USP42: variants seen among roughly 807,000 people sequenced by gnomAD.
The protein encoded by USP42 is ubiquitin specific peptidase 42.
A neutral mutation model predicts 113.0 loss-of-function variants in USP42; 23 were observed. That is an observed-to-expected ratio of 0.20 (90% CI 0.15 to 0.29). The LOEUF (loss-of-function observed/expected upper bound fraction) is 0.29, where lower values mean the gene tolerates loss of function less well. Ranked by LOEUF, USP42 falls within the 10% of genes least tolerant of loss-of-function variation. USP42 has a pLI of 1.00. For missense variants in USP42, 2,174 were observed against 1,779.8 expected (o/e 1.22, Z -3.99); for synonymous variants, 933 against 699.0 (o/e 1.33, Z -5.28).
At chr7:6,130,124 T>G (rs1780770523) in intron 3 of USP42, among the ~76,000 whole-genome samples, 2 of 152,074 alleles carry the variant, frequency 1.3e-5, no homozygotes, top group African/African-American at 4.8e-5. Context: ...GTGCTAGAAT[T>G]GTAGGCATGA....
At chr7:6,105,283 A>G (rs1160753347) in intron 1 of USP42, among the ~76,000 whole-genome samples, 4 of 145,322 alleles carry the variant, frequency 2.8e-5, no homozygotes, top group African/African-American at 9.9e-5. Context: ...GCGGGCGGGC[A>G]CCGGGGTAGC....
chr7:6,100,266 G>T (rs749081139), upstream of USP42, among the ~76,000 whole-genome samples: 4 of 150,684 alleles, frequency 2.7e-5, no homozygotes, highest in Non-Finnish European at 5.9e-5. Flanking sequence ...CCCCTAGATG[G>T]GCGCCTGATA....
chr7:6,105,258 G>A (rs1246840583), intron 1 of USP42, among the ~76,000 whole-genome samples: 1 of 145,376 alleles, frequency 6.9e-6, no homozygotes, highest in Non-Finnish European at 1.5e-5. Flanking sequence ...CGCTGGGGAG[G>A]GGGCGGCGGC....
intron 11 of USP42, among the ~76,000 whole-genome samples, chr7:6,147,192 G>A (rs998484773): frequency 6.6e-6 from 1 of 152,148 alleles, no homozygotes; most frequent in Non-Finnish European, 1.5e-5. Context: ...CAAGTTGAGG[G>A]GTAGGATTTT....
intron 11 of USP42, 50 bp downstream of exon 11, chr7:6,146,298 T>A (rs751419797): frequency 8.6e-7 from 1 of 1,158,390 alleles, no homozygotes; most frequent in East Asian, 2.5e-5. Flanking sequence ...TCATTTCTTC[T>A]TGTCTTATCA....
intron 3 of USP42, among the ~76,000 whole-genome samples, chr7:6,134,357 G>A (rs1326623506): frequency 6.6e-6 from 1 of 151,910 alleles, no homozygotes; most frequent in Non-Finnish European, 1.5e-5. Flanking sequence ...CTGCATCTTT[G>A]CGTGCCTTGT....
the USP42 span, among the ~76,000 whole-genome samples, chr7:6,082,735 G>A: frequency 2.7e-5 from 4 of 145,826 alleles, no homozygotes; most frequent in Non-Finnish European, 4.4e-5. Context: ...CTGAGCCTCC[G>A]TAGTAGCTGG....
In USP42 at chr7:6,150,496, G is replaced by A; in HGVS notation, c.2191G>A (p.Asp731Asn). 2 of 1,613,962 alleles carry A rather than the reference G, an allele frequency of 1.2e-6. No individual in the cohort carries two copies. Among genetic ancestry groups the A allele is most frequent in the Non-Finnish European group, 8.5e-7 (1 of 1,179,868 alleles). ...TAGCAACAAACTGAAAGGCTCGACG[G>A]ATGAAATGAGGTAACGTAAGAGTAC... ...RLSNKLKGSTDEMSAPGAERG... is the reference protein window; with the variant it reads ...RLSNKLKGSTNEMSAPGAERG... Residue 731 changes from aspartate to asparagine, a missense_variant, in exon 14 of 18, where the codon GAT (aspartate) becomes AAT (asparagine). Asp to Asn is a conservative substitution (Grantham distance 23). Coordinates refer to ENST00000306177, the MANE Select transcript of USP42 (RefSeq NM_032172.3).
Position 6,149,664 on chromosome 7 carries a change from G to A in USP42, c.1468G>A (p.Val490Ile), listed in dbSNP as rs1236758981. Residue 490 changes from valine to isoleucine, a missense_variant, in exon 13 of 18, where the codon GTC becomes ATC. Transcript: ENST00000306177. ...SMSSPNGNSSVNRASPVNASA... is the reference protein window; with the variant it reads ...SMSSPNGNSSINRASPVNASA... ...GTCGAGTCCTAACGGGAATTCCAGT[G>A]TCAACAGGGCTAGTCCTGTTAATGC... 2.5e-6 allele frequency: 4 copies of A among 1,613,856 alleles called. No homozygotes were observed. The South Asian group carries it at 3.3e-5, about 13-fold the overall frequency.
chr7:6,084,812 G>A, the USP42 span: 2 of 149,252 alleles, frequency 1.3e-5, no homozygotes, highest in South Asian at 2.1e-4. Flanking sequence ...TCCACCTCCC[G>A]GGTTCAAGTG....
chr7:6,150,085 C>A lies in USP42; in HGVS notation c.1889C>A (p.Thr630Lys). 4 of 1,609,664 alleles carry A rather than the reference C, an allele frequency of 2.5e-6. No individual in the cohort carries two copies. Among genetic ancestry groups the A allele is most frequent in the African/African-American group, 1.3e-5 (1 of 74,964 alleles). The change falls in exon 13 of 18, where the codon ACG becomes AAG. Residue 630 changes from threonine to lysine, a missense_variant. Transcript: ENST00000306177. Reference sequence around the variant, plus strand: ...CTGGGCAAGGAGAATGGGATTGGTACGATTGTGAGCTCCCACTCTCCCGGC... The same window carrying A: ...CTGGGCAAGGAGAATGGGATTGGTAAGATTGTGAGCTCCCACTCTCCCGGC... ...KGLGKENGIG[T>K]IVSSHSPGQD...
In USP42 at chr7:6,114,457, C is replaced by G. The variant is rs1038764808; in HGVS notation, c.242-866C>G. 4.6e-5 allele frequency among the ~76,000 whole-genome samples: 7 copies of G among 151,756 alleles called. No homozygotes were observed. The South Asian group carries it at 8.3e-4, about 18-fold the overall frequency. On this transcript the variant is annotated intron_variant, in intron 2 of 17. Transcript: ENST00000306177. Reference sequence around the variant, plus strand: ...GTGATACCAGCACCTCCTTATCTCCCCACGACATTATCTCAAATCCAATAC... The same window carrying G: ...GTGATACCAGCACCTCCTTATCTCCGCACGACATTATCTCAAATCCAATAC...
intron 3 of USP42, among the ~76,000 whole-genome samples, chr7:6,119,222 A>C (rs1003596799): frequency 1.3e-5 from 2 of 152,114 alleles, no homozygotes; most frequent in Non-Finnish European, 2.9e-5. Flanking sequence ...CTCAAAAAAA[A>C]AGTTTTGGAA....
At chr7:6,088,166 G>A in the USP42 span, among the ~76,000 whole-genome samples, 5 of 151,180 alleles carry the variant, frequency 3.3e-5, 1 homozygote, top group African/African-American at 1.2e-4. Context: ...CGGGTACTGA[G>A]CTATGATTGC....
chr7:6,155,816 A>G (rs577801434), intron 15 of USP42, among the ~76,000 whole-genome samples: 3 of 152,244 alleles, frequency 2.0e-5, no homozygotes, highest in African/African-American at 7.2e-5. Context: ...CAGTGATGCC[A>G]TCATAACTCA....
chr7:6,119,877 G>GT (rs887955682), intron 3 of USP42, among the ~76,000 whole-genome samples: 4 of 151,990 alleles, frequency 2.6e-5, no homozygotes, highest in Non-Finnish European at 4.4e-5. Flanking sequence ...CTAATTTTTT[G>GT]TTTTTTTGTA....
the USP42 span, among the ~76,000 whole-genome samples, chr7:6,082,603 G>GTTTTTTTTTTTTTTTTTT: frequency 2.2e-5 from 2 of 90,196 alleles, no homozygotes; most frequent in African/African-American, 5.2e-5. Context: ...CTTTCTTTCT[G>GTTTTTTTTTTTTTTTTTT]TTTTTTTTTT....
chr7:6,090,595 A>G, the USP42 span, among the ~76,000 whole-genome samples: 1 of 146,046 alleles, frequency 6.8e-6, no homozygotes, highest in African/African-American at 2.6e-5. Flanking sequence ...CATGCCTGTA[A>G]TCCCAGCTAC....
upstream of USP42, among the ~76,000 whole-genome samples, chr7:6,102,955 G>GAATTGTT (rs1790173428): frequency 6.6e-6 from 1 of 151,066 alleles, no homozygotes; most frequent in Admixed American, 6.6e-5. Flanking sequence ...GCTGACTCAG[G>GAATTGTT]GAGGGTCAGG....
Sources: gnomAD v4.1 joint callset for allele counts (sites outside exome capture counted in the v4.1 genomes callset) on GRCh38, gnomAD v4.1.1 for gene constraint, MANE v1.5 for transcripts, NCBI Gene and HGNC (gene_info 2026-07-23, HGNC 2026-07-21) for gene names.